PPP2R2D: variants seen among roughly 807,000 people sequenced by gnomAD.
PPP2R2D encodes serine/threonine-protein phosphatase 2A 55 kDa regulatory subunit B delta isoform.
In PPP2R2D, 9 loss-of-function variants were observed where a neutral mutation model predicts 31.1. The observed-to-expected ratio is 0.29, with a 90% confidence interval of 0.17 to 0.51. PPP2R2D has a LOEUF of 0.51. PPP2R2D is among the 20% of genes least tolerant of loss of function. PPP2R2D has a pLI of 0.98. For missense variants in PPP2R2D, 391 were observed against 465.6 expected (o/e 0.84, Z 1.48); for synonymous variants, 179 against 172.6 (o/e 1.04, Z -0.29).
At chr10:131,911,696 T>A (rs1404235266) in intron 2 of PPP2R2D, 1 of 151,878 alleles carries the variant, frequency 6.6e-6, no homozygotes, top group Non-Finnish European at 1.5e-5. Flanking sequence ...AGGATTATGA[T>A]GAAAATAGTC....
At chr10:131,970,608 T>C in the PPP2R2D span, 1 of 1,609,792 alleles carries the variant, frequency 6.2e-7, no homozygotes, top group Non-Finnish European at 8.5e-7. The surrounding 1 kb of genome is among the most constrained non-coding windows in gnomAD (Gnocchi z 4.1). Context: ...CGACATGCCA[T>C]GACAGGAGTC....
At chr10:131,940,490 G>A (rs927243936) in intron 4 of PPP2R2D, 92 bp from the exon 5 acceptor site, 3 of 658,980 alleles carry the variant, frequency 4.6e-6, no homozygotes, top group South Asian at 1.8e-5. Context: ...CCCAATATAG[G>A]ACCACACCGC....
intron 2 of PPP2R2D, among the ~76,000 whole-genome samples, chr10:131,932,674 A>AC (rs1554895863): frequency 2.7e-5 from 4 of 145,810 alleles, no homozygotes; most frequent in Non-Finnish European, 6.0e-5. Context: ...AAAAACACAC[A>AC]AAAAAAACCT....
Position 131,958,615 on chromosome 10 carries a change from C to T in PPP2R2D, c.*2652C>T, listed in dbSNP as rs782174066. 22 of 223,902 alleles carry T rather than the reference C, an allele frequency of 9.8e-5. No homozygotes were observed. Among genetic ancestry groups the T allele is most frequent in the Non-Finnish European group, 1.8e-4 (21 of 115,358 alleles). The allele number at this position is 223,902 out of a possible 1,614,324, so 13.9% of individuals were successfully genotyped here. Reference sequence around the variant, plus strand: ...ATGAAGGTGTGTGCTGATCTCTTGTCCCCCTGTGGAGATGGAGGTGTGTGC... The same window carrying T: ...ATGAAGGTGTGTGCTGATCTCTTGTTCCCCTGTGGAGATGGAGGTGTGTGC... On this transcript the variant is annotated 3_prime_UTR_variant, in exon 9 of 9. Coordinates refer to ENST00000455566, the MANE Select transcript of PPP2R2D (RefSeq NM_018461.5).
intron 2 of PPP2R2D, among the ~76,000 whole-genome samples, chr10:131,901,601 C>A (rs1196114802): frequency 6.6e-6 from 1 of 152,152 alleles, no homozygotes; most frequent in Non-Finnish European, 1.5e-5. Flanking sequence ...TCCTCCGAAC[C>A]CAGCGCCTGG....
At chr10:131,962,366 G>C (rs2036937352), downstream of PPP2R2D, among the ~76,000 whole-genome samples, 1 of 152,240 alleles carries the variant, frequency 6.6e-6, no homozygotes, top group Non-Finnish European at 1.5e-5. Flanking sequence ...ACCAGATGCA[G>C]ATTGCAAAGA....
chr10:131,927,419 G>T (rs1228076867), intron 2 of PPP2R2D, among the ~76,000 whole-genome samples: 2 of 152,058 alleles, frequency 1.3e-5, no homozygotes, highest in Admixed American at 6.5e-5. Context: ...GGTCGGACGG[G>T]TGCGCGGGTT....
intron 2 of PPP2R2D, among the ~76,000 whole-genome samples, chr10:131,910,069 T>C (rs2035658822): frequency 6.6e-6 from 1 of 152,216 alleles, no homozygotes; most frequent in Non-Finnish European, 1.5e-5. Context: ...CACACTTCCA[T>C]GTGGGCAGAA....
rs979714848 is a variant in PPP2R2D at position 131,943,844 on chromosome 10, G to A, written c.478-124G>A. 3.3e-5 allele frequency: 21 copies of A among 631,468 alleles called. No homozygotes were observed. In the Admixed American group the frequency reaches 6.6e-4, roughly 20 times the overall value. 39.1% of individuals were successfully genotyped at this position (631,468 alleles called of 1,614,324 possible). ...TGCTAATTGGTTATTTGGGGGTATTGCCTGTACAGAATTATTACTTAGCCA... is the reference window on the plus strand; with the variant it reads ...TGCTAATTGGTTATTTGGGGGTATTACCTGTACAGAATTATTACTTAGCCA... On this transcript the variant is annotated intron_variant, in intron 5 of 8. Transcript: ENST00000455566.
intron 2 of PPP2R2D, among the ~76,000 whole-genome samples, chr10:131,917,610 T>G (rs1370685891): frequency 9.7e-6 from 1 of 102,800 alleles, no homozygotes; most frequent in Admixed American, 1.2e-4. Flanking sequence ...CTCACGTGGG[T>G]GGAATGACAC....
chr10:131,941,109 G>A (rs1289906723), intron 5 of PPP2R2D, among the ~76,000 whole-genome samples: 1 of 152,160 alleles, frequency 6.6e-6, no homozygotes, highest in Non-Finnish European at 1.5e-5. Flanking sequence ...GTACATTCAG[G>A]ACGCTTCTCG....
At chr10:131,922,234 T>C (rs1025997297) in intron 2 of PPP2R2D, among the ~76,000 whole-genome samples, 9 of 152,340 alleles carry the variant, frequency 5.9e-5, no homozygotes, top group Non-Finnish European at 8.8e-5. Context: ...TACGTATGTC[T>C]ATGACTGTGA....
chr10:131,955,882 C>T lies in PPP2R2D; in HGVS notation c.1281C>T (p.His427=). The T allele has an allele frequency of 1.2e-6, 2 of 1,606,452 alleles. No individual in the cohort carries two copies. The highest frequency in any genetic ancestry group is 4.5e-5 in the East Asian group (2 of 44,060). Residue 427 remains histidine, a synonymous_variant, in exon 9 of 9, where the codon CAC becomes CAT. Coordinates refer to ENST00000455566, the MANE Select transcript of PPP2R2D (RefSeq NM_018461.5). ...DSLDFNKKIL[H]TAWHPVDNVI... is the part of the protein sequence containing the mutation. ...TGGACTTCAACAAGAAGATCCTGCACACAGCCTGGCACCCCGTGGACAATG... is the reference window on the plus strand; with the variant it reads ...TGGACTTCAACAAGAAGATCCTGCATACAGCCTGGCACCCCGTGGACAATG...
chr10:131,964,589 TCA>T (rs1422796006), downstream of PPP2R2D, among the ~76,000 whole-genome samples: 4 of 151,774 alleles, frequency 2.6e-5, no homozygotes, highest in African/African-American at 9.7e-5. Context: ...ACGTGTAACA[TCA>T]CACAGTGTTA....
At chr10:131,913,977 C>G (rs1364612843) in intron 2 of PPP2R2D, among the ~76,000 whole-genome samples, 1 of 152,176 alleles carries the variant, frequency 6.6e-6, no homozygotes, top group Non-Finnish European at 1.5e-5. Flanking sequence ...TTTTCTGTAT[C>G]GTGCACAACA....
At chr10:131,952,710 A>G (rs1350692035) in intron 8 of PPP2R2D, among the ~76,000 whole-genome samples, 6 of 75,650 alleles carry the variant, frequency 7.9e-5, no homozygotes, top group African/African-American at 2.8e-4. Flanking sequence ...TGTCTTAGTG[A>G]CTTGCGGGTG....
chr10:131,962,118 G>A (rs1479150915), downstream of PPP2R2D, among the ~76,000 whole-genome samples: 1 of 152,184 alleles, frequency 6.6e-6, no homozygotes. Context: ...CCTTTTTAGT[G>A]TATTTCTTAA....
chr10:131,943,752 G>A (rs551232917), intron 5 of PPP2R2D, among the ~76,000 whole-genome samples: 5 of 152,286 alleles, frequency 3.3e-5, no homozygotes, highest in South Asian at 4.1e-4. Flanking sequence ...TGTCGACCTC[G>A]GTAATGGAAG....
intron 8 of PPP2R2D, among the ~76,000 whole-genome samples, chr10:131,954,438 G>A (rs1378569826): frequency 6.6e-6 from 1 of 152,238 alleles, no homozygotes; most frequent in Admixed American, 6.5e-5. Context: ...GGAACCCCCA[G>A]TCAATGGCCC....
Sources: gnomAD v4.1 joint callset for allele counts (sites outside exome capture counted in the v4.1 genomes callset) on GRCh38, gnomAD v4.1.1 for gene constraint, Gnocchi (gnomAD v3.1) non-coding constraint, MANE v1.5 for transcripts, NCBI Gene and HGNC (gene_info 2026-07-23, HGNC 2026-07-21) for gene names.